The following PHLPP1 variants were observed in gnomAD, a reference collection of about 807,000 sequenced individuals.
PHLPP1 encodes PH domain leucine-rich repeat-containing protein phosphatase 1.
In PHLPP1, 42 loss-of-function variants were observed where a neutral mutation model predicts 117.2. The ratio of observed to expected loss-of-function variants is 0.36; its 90% CI spans 0.28 to 0.46. PHLPP1 has a LOEUF of 0.46. Among genes scored for constraint, PHLPP1 ranks in the 20% least tolerant of loss-of-function variants. PHLPP1 has a pLI of 1.00. For synonymous variants in PHLPP1, 1,042 were observed against 970.7 expected, an observed-to-expected ratio of 1.07 and a Z score of -1.37; for missense variants, 2,084 against 2,241.9, an observed-to-expected ratio of 0.93 and a Z score of 1.42.
intron 2 of PHLPP1, among the ~76,000 whole-genome samples, chr18:62,836,384 A>G (rs1412169192): frequency 1.3e-5 from 2 of 151,504 alleles, no homozygotes; most frequent in African/African-American, 4.8e-5. Flanking sequence ...GTGAGCTGAG[A>G]TCGTGCCACT....
chr18:62,918,402 T>C (rs537155284), intron 9 of PHLPP1, among the ~76,000 whole-genome samples: 2 of 145,972 alleles, frequency 1.4e-5, no homozygotes, highest in South Asian at 2.1e-4. Context: ...TTTTATCACC[T>C]TTTAGTTATT....
intron 1 of PHLPP1, among the ~76,000 whole-genome samples, chr18:62,796,711 C>T (rs1167450682): frequency 6.6e-6 from 1 of 152,110 alleles, no homozygotes; most frequent in African/African-American, 2.4e-5. Flanking sequence ...GTGCCAGGGA[C>T]CCTGTCCATA....
At chr18:62,921,183 G>A (rs1157122207) in intron 10 of PHLPP1, among the ~76,000 whole-genome samples, 1 of 152,128 alleles carries the variant, frequency 6.6e-6, no homozygotes, top group Non-Finnish European at 1.5e-5. Context: ...GAGTTATTTT[G>A]ACTTCTGCTC....
In PHLPP1 at chr18:62,870,565, C is replaced by T. The variant is rs190131956; in HGVS notation, c.2066+9964C>T. Among the ~76,000 whole-genome samples the T allele has an allele frequency of 2.6e-4, 40 of 152,140 alleles. 1 individual carries two copies. Among genetic ancestry groups the T allele is most frequent in the Non-Finnish European group, 4.0e-4 (27 of 67,988 alleles). On this transcript the variant is annotated intron_variant, in intron 4 of 16. Coordinates refer to ENST00000262719, the MANE Select transcript of PHLPP1 (RefSeq NM_194449.4). Reference sequence around the variant, plus strand: ...GATGCCAAAGGGTAATTTATTTTTACGTTTTTACCTAAGTTTCAAGGAATT... The same window carrying T: ...GATGCCAAAGGGTAATTTATTTTTATGTTTTTACCTAAGTTTCAAGGAATT...
At position 62,903,676 on chromosome 18, in the gene PHLPP1, A is replaced by AG. The variant is rs1410715645; in HGVS notation, c.2647+512dup. On this transcript the variant is annotated intron_variant, in intron 7 of 16. Transcript: ENST00000262719. ...CTACTTGGGAATGGGAAGCTGAGGC[A>AG]GGAGGATTGCTGGAGCCCAGGAGGT... Among the ~76,000 whole-genome samples, 4 of 151,934 alleles carry AG rather than the reference A, an allele frequency of 2.6e-5. No individual in the cohort carries two copies. The East Asian group carries it at 7.7e-4, about 29-fold the overall frequency.
intron 6 of PHLPP1, among the ~76,000 whole-genome samples, chr18:62,901,155 T>C (rs2144405321): frequency 6.6e-6 from 1 of 152,306 alleles, no homozygotes; most frequent in Middle Eastern, 3.4e-3. Flanking sequence ...TTGAATGAAA[T>C]TGTGTGTGGC....
intron 4 of PHLPP1, among the ~76,000 whole-genome samples, chr18:62,878,627 C>T (rs1391936105): frequency 6.6e-6 from 1 of 152,154 alleles, no homozygotes; most frequent in Non-Finnish European, 1.5e-5. Context: ...ACAGTGACCT[C>T]TGTAAAAGCA....
intron 10 of PHLPP1, among the ~76,000 whole-genome samples, chr18:62,924,115 T>G (rs1909554408): frequency 6.6e-6 from 1 of 152,164 alleles, no homozygotes; most frequent in Admixed American, 6.5e-5. Context: ...ACACGGTTGG[T>G]CTAGTATAAT....
chr18:62,828,092 G>A (rs534106007), intron 1 of PHLPP1, among the ~76,000 whole-genome samples: 1 of 151,976 alleles, frequency 6.6e-6, no homozygotes, highest in Non-Finnish European at 1.5e-5. Flanking sequence ...AAGGAAATTG[G>A]AGTTTGGAAA....
intron 1 of PHLPP1, among the ~76,000 whole-genome samples, chr18:62,808,332 A>G (rs1180974364): frequency 6.7e-6 from 1 of 149,548 alleles, no homozygotes; most frequent in East Asian, 1.9e-4. Flanking sequence ...AGTTGACAGT[A>G]TGATGTAATC....
chr18:62,805,509 C>T (rs1446459954), intron 1 of PHLPP1, among the ~76,000 whole-genome samples: 2 of 152,024 alleles, frequency 1.3e-5, no homozygotes, highest in African/African-American at 4.8e-5. Flanking sequence ...AAGCATGCGC[C>T]CCACACCTGG....
chr18:62,883,557 A>G (rs1461857850), intron 4 of PHLPP1, among the ~76,000 whole-genome samples: 3 of 152,214 alleles, frequency 2.0e-5, no homozygotes, highest in East Asian at 1.9e-4. Flanking sequence ...AAATGCTAGC[A>G]TGGGGAAAGG....
chr18:62,852,542 A>G (rs1208239920), intron 3 of PHLPP1, among the ~76,000 whole-genome samples: 2 of 151,982 alleles, frequency 1.3e-5, no homozygotes, highest in African/African-American at 4.8e-5. Flanking sequence ...ACGGGGTTTC[A>G]CTGTGTTAGC....
At chr18:62,731,168 C>T (rs527267250) in intron 1 of PHLPP1, 25 of 152,040 alleles carry the variant, frequency 1.6e-4, no homozygotes, top group African/African-American at 6.0e-4. Flanking sequence ...GTCTCTGTGT[C>T]ATATTTTGGT....
At chr18:62,959,666 C>T (rs1568174848) in intron 13 of PHLPP1, among the ~76,000 whole-genome samples, 2 of 151,856 alleles carry the variant, frequency 1.3e-5, no homozygotes, top group South Asian at 2.1e-4. Context: ...TATTTGTTGC[C>T]GAAAGTCATC....
intron 3 of PHLPP1, among the ~76,000 whole-genome samples, chr18:62,840,140 TAA>T (rs765034579): frequency 6.6e-6 from 1 of 152,180 alleles, no homozygotes; most frequent in Non-Finnish European, 1.5e-5. Context: ...GGAAAACAGT[TAA>T]GAGAAAATTT....
In PHLPP1 at chr18:62,716,937, A is replaced by G. The variant is rs1237891381; in HGVS notation, c.1254A>G (p.Lys418=). The change falls in exon 1 of 17, where the codon AAA becomes AAG. Residue 418 remains lysine, a synonymous_variant. Transcript: ENST00000262719. The surrounding 1 kb of genome is among the most constrained non-coding windows in gnomAD (Gnocchi z 5.7). ...CTTCCTCGCCTCAGCCGCAGCAGAAAGCCCCGAGGGCCATTGACAGCCCGG... is the reference window on the plus strand; with the variant it reads ...CTTCCTCGCCTCAGCCGCAGCAGAAGGCCCCGAGGGCCATTGACAGCCCGG... ...QTASSPQPQQ[K]APRAIDSPGG... 9.1e-6 allele frequency: 14 copies of G among 1,535,204 alleles called. No individual in the cohort carries two copies. The Admixed American group carries it at 2.8e-4, about 30-fold the overall frequency.
intron 8 of PHLPP1, among the ~76,000 whole-genome samples, chr18:62,913,525 C>T (rs1917014675): frequency 6.6e-6 from 1 of 152,096 alleles, no homozygotes; most frequent in African/African-American, 2.4e-5. Flanking sequence ...TCCCAAGCAT[C>T]ATGTTTTCAC....
intron 1 of PHLPP1, among the ~76,000 whole-genome samples, chr18:62,762,633 C>T (rs1002647994): frequency 2.0e-5 from 3 of 151,838 alleles, no homozygotes; most frequent in Admixed American, 6.6e-5. Flanking sequence ...AGGCTGGTCT[C>T]GAACTCCTGA....
Sources: gnomAD v4.1 joint callset for allele counts (sites outside exome capture counted in the v4.1 genomes callset) on GRCh38, gnomAD v4.1.1 for gene constraint, Gnocchi (gnomAD v3.1) non-coding constraint, MANE v1.5 for transcripts, NCBI Gene and HGNC (gene_info 2026-07-23, HGNC 2026-07-21) for gene names.